NF1: variants seen among roughly 807,000 people sequenced by gnomAD.
NF1 encodes neurofibromin 1.
Under a neutral mutation model 325.7 loss-of-function variants are expected in NF1, and 122 were observed. That is an observed-to-expected ratio of 0.37 (90% CI 0.32 to 0.44). The LOEUF (loss-of-function observed/expected upper bound fraction) is 0.44, where lower values mean the gene tolerates loss of function less well. Among genes scored for constraint, NF1 ranks in the 20% least tolerant of loss-of-function variants. The pLI is 1.00. For synonymous variants in NF1, 1,091 were observed against 1,186.0 expected (o/e 0.92, Z 1.65); for missense variants, 2,140 against 3,415.4 (o/e 0.63, Z 9.31).
intron 54 of NF1, 37 bp downstream of exon 54, chr17:31,357,406 C>A (rs2151583606): frequency 2.0e-6 from 3 of 1,521,568 alleles, no homozygotes; most frequent in Non-Finnish European, 1.8e-6. Context: ...CACCTTCGTG[C>A]CTGTCTTTAA....
At chr17:31,163,126 A>G in intron 3 of NF1, 60 bp from the exon 4 acceptor site, 1 of 1,550,802 alleles carries the variant, frequency 6.4e-7, no homozygotes, top group Non-Finnish European at 8.9e-7. Context: ...AAATTTTCAT[A>G]ATAGAAAATG....
At chr17:31,300,297 T>C (rs928434569) in intron 36 of NF1, among the ~76,000 whole-genome samples, 2 of 152,090 alleles carry the variant, frequency 1.3e-5, no homozygotes, top group Non-Finnish European at 2.9e-5. Context: ...TAACTGTTTT[T>C]ATTAGTTTTT....
At chr17:31,253,568 C>CA (rs1338882370) in intron 31 of NF1, 1 of 152,286 alleles carries the variant, frequency 6.6e-6, no homozygotes, top group Non-Finnish European at 1.5e-5. Context: ...ACTTTTACCT[C>CA]AAAAAAATAA....
intron 8 of NF1, among the ~76,000 whole-genome samples, chr17:31,193,775 A>G (rs1372280504): frequency 1.3e-5 from 2 of 152,162 alleles, no homozygotes; most frequent in African/African-American, 2.4e-5. Flanking sequence ...CAACAGATAT[A>G]TTTTTTAAAA....
At chr17:31,173,397 G>A (rs2065964656) in intron 5 of NF1, among the ~76,000 whole-genome samples, 1 of 151,934 alleles carries the variant, frequency 6.6e-6, no homozygotes, top group East Asian at 1.9e-4. Context: ...GCAACAGAGT[G>A]ATACTCCGTC....
At chr17:31,279,471 G>T (rs186561588) in intron 36 of NF1, among the ~76,000 whole-genome samples, 3 of 151,890 alleles carry the variant, frequency 2.0e-5, no homozygotes, top group African/African-American at 7.3e-5. Flanking sequence ...GCTTTTTAGC[G>T]TAGACAGTTG....
intron 1 of NF1, among the ~76,000 whole-genome samples, chr17:31,139,375 GACACACACAC>G (rs58863782): frequency 5.5e-5 from 8 of 144,174 alleles, no homozygotes; most frequent in African/African-American, 7.6e-5. Flanking sequence ...GTTTTACACA[GACACACACAC>G]ACACACACAC....
chr17:31,254,939 G>A (rs2067557137), intron 31 of NF1, among the ~76,000 whole-genome samples: 1 of 152,076 alleles, frequency 6.6e-6, no homozygotes, highest in African/African-American at 2.4e-5. Flanking sequence ...GGAGTTGTGT[G>A]CTTTAACAAA....
At chr17:31,190,461 G>A (rs2066323674) in intron 8 of NF1, among the ~76,000 whole-genome samples, 1 of 152,022 alleles carries the variant, frequency 6.6e-6, no homozygotes. Flanking sequence ...ACTCTGCATC[G>A]TTGTTTATCT....
At position 31,227,558 on chromosome 17, in the gene NF1, A is replaced by G. The variant is rs371589922; in HGVS notation, c.2361A>G (p.Ala787=). 8 of 1,613,802 alleles carry G rather than the reference A, an allele frequency of 5.0e-6. No individual in the cohort carries two copies. In the African/African-American group the frequency reaches 9.3e-5, roughly 19 times the overall value. The change falls in exon 20 of 58, where the codon GCA becomes GCG. Residue 787 remains alanine (A), a synonymous_variant. Coordinates refer to ENST00000358273, the MANE Select transcript of NF1 (RefSeq NM_001042492.3). ...WEDTHAKWEQ[A]TKLILNYPKA... ...ATACACATGCAAAATGGGAACAAGC[A>G]ACAAAGCTAATCCTTAACTATCCAA...
At chr17:31,276,001 A>C (rs2151480185) in intron 36 of NF1, among the ~76,000 whole-genome samples, 2 of 152,186 alleles carry the variant, frequency 1.3e-5, no homozygotes, top group South Asian at 4.1e-4. Flanking sequence ...CGAGGTCAGG[A>C]GATGGAGACC....
rs876657932 is a variant in NF1, at chr17:31,229,013, T to G, written c.2410-12T>G. The stretch of plus-strand genomic sequence containing the variant: ...GTTTAATTCATGCTTTGCACAAAAA[T>G]TTTGTGTTTAGGCTGCTGAAAGCCT... On this transcript the variant is annotated splice_polypyrimidine_tract_variant and intron_variant, in intron 20 of 57. Coordinates refer to ENST00000358273, the MANE Select transcript of NF1 (RefSeq NM_001042492.3). 6.3e-7 allele frequency: 1 copy of G among 1,588,376 alleles called. No individual in the cohort carries two copies. Among genetic ancestry groups the G allele is most frequent in the Non-Finnish European group, 8.6e-7 (1 of 1,163,358 alleles).
intron 29 of NF1, among the ~76,000 whole-genome samples, chr17:31,241,125 G>A (rs1302953365): frequency 3.3e-5 from 5 of 152,066 alleles, no homozygotes; most frequent in African/African-American, 9.7e-5. Context: ...CAATCCACCC[G>A]CCTCGGTCTC....
At chr17:31,216,415 C>G (rs925427426) in intron 13 of NF1, among the ~76,000 whole-genome samples, 2 of 152,058 alleles carry the variant, frequency 1.3e-5, no homozygotes, top group Non-Finnish European at 2.9e-5. Flanking sequence ...AAATATTTGA[C>G]CATTTTGTCT....
At chr17:31,217,280 A>C (rs549445370) in intron 13 of NF1, among the ~76,000 whole-genome samples, 2 of 151,254 alleles carry the variant, frequency 1.3e-5, no homozygotes, top group East Asian at 3.9e-4. Flanking sequence ...AAAATAAAAT[A>C]TGGGACACAA....
At chr17:31,289,506 A>C (rs1321378218) in intron 36 of NF1, among the ~76,000 whole-genome samples, 1 of 152,224 alleles carries the variant, frequency 6.6e-6, no homozygotes, top group Admixed American at 6.5e-5. Flanking sequence ...AGGTAATAAA[A>C]TATGCTTGGT....
At chr17:31,335,359 A>G (rs2069639298) in intron 40 of NF1, among the ~76,000 whole-genome samples, 1 of 130,680 alleles carries the variant, frequency 7.7e-6, no homozygotes, top group Non-Finnish European at 1.6e-5. Flanking sequence ...ATAGAACTGT[A>G]GAAATCTGGT....
At chr17:31,259,755 C>T (rs1427690005) in intron 33 of NF1, among the ~76,000 whole-genome samples, 1 of 152,110 alleles carries the variant, frequency 6.6e-6, no homozygotes, top group East Asian at 1.9e-4. Flanking sequence ...CATAAGAAAG[C>T]GCTTTGTAAA....
rs145135370 is a variant in NF1 at position 31,108,938 on chromosome 17, TAGG to T, written c.60+13573_60+13575del. On this transcript the variant is annotated intron_variant, in intron 1 of 57. Transcript: ENST00000358273. ...CACAGGGATCTATGAGAATCAAAGA[TAGG>T]AGGTAATATGCATGAAAGTATTTTG... 7.6e-3 allele frequency among the ~76,000 whole-genome samples: 1,159 copies of T among 152,298 alleles called. 17 individuals carry two copies. The highest frequency in any genetic ancestry group is 0.027 in the African/African-American group (1,115 of 41,560).
Sources: gnomAD v4.1 joint callset for allele counts (sites outside exome capture counted in the v4.1 genomes callset) on GRCh38, gnomAD v4.1.1 for gene constraint, MANE v1.5 for transcripts, NCBI Gene and HGNC (gene_info 2026-07-23, HGNC 2026-07-21) for gene names.